SMARCA2: variants seen among roughly 807,000 people sequenced by gnomAD.
The protein encoded by SMARCA2 is SWI/SNF-related matrix-associated actin-dependent regulator of chromatin subfamily A member 2.
A neutral mutation model predicts 199.8 loss-of-function variants in SMARCA2; 61 were observed. That is an observed-to-expected ratio of 0.31 (90% CI 0.25 to 0.38). The LOEUF is 0.38. Ranked by LOEUF, SMARCA2 falls within the 10% of genes least tolerant of loss-of-function variation. The pLI is 1.00. For synonymous variants in SMARCA2, 935 were observed against 732.0 expected (o/e 1.28, Z -4.48); for missense variants, 1,344 against 2,012.2 (o/e 0.67, Z 6.35).
At chr9:2,100,459 T>C (rs1822461865) in intron 21 of SMARCA2, among the ~76,000 whole-genome samples, 1 of 152,070 alleles carries the variant, frequency 6.6e-6, no homozygotes, top group African/African-American at 2.4e-5. Flanking sequence ...CCTAGCACTT[T>C]GGGAGGAAAA....
chr9:2,160,145 G>T, intron 27 of SMARCA2: 1 of 536,866 alleles, frequency 1.9e-6, no homozygotes, highest in Non-Finnish European at 3.3e-6. Context: ...CTTAGCTGCA[G>T]TGTGTTTAGC....
intron 4 of SMARCA2, among the ~76,000 whole-genome samples, chr9:2,046,456 T>C (rs1372726740): frequency 1.3e-5 from 2 of 152,148 alleles, no homozygotes; most frequent in Admixed American, 6.5e-5. Context: ...CAGATTTTTT[T>C]TGGCTAACAA....
At chr9:2,149,975 A>AT (rs1315834429) in intron 27 of SMARCA2, among the ~76,000 whole-genome samples, 1 of 151,540 alleles carries the variant, frequency 6.6e-6, no homozygotes, top group Non-Finnish European at 1.5e-5. Context: ...AAATTTAACT[A>AT]GAACCAGACA....
At position 2,133,902 on chromosome 9, in the gene SMARCA2, A is replaced by G. The variant is rs74646474; in HGVS notation, c.3981+9965A>G. On this transcript the variant is annotated intron_variant, in intron 27 of 33. Transcript: ENST00000349721. Reference sequence around the variant, plus strand: ...ATGCCTTGAAATCTGATGAACCAAGAGGTTCAGATTCCGGTTCCATCTAAT... The same window carrying G: ...ATGCCTTGAAATCTGATGAACCAAGGGGTTCAGATTCCGGTTCCATCTAAT... Among the ~76,000 whole-genome samples, 54 of 152,260 alleles carry G rather than the reference A, an allele frequency of 3.5e-4. 2 individuals carry two copies. In the East Asian group the frequency reaches 0.01, roughly 29 times the overall value.
chr9:2,135,036 G>A (rs1287674319), intron 27 of SMARCA2, among the ~76,000 whole-genome samples: 2 of 152,196 alleles, frequency 1.3e-5, no homozygotes, highest in Non-Finnish European at 2.9e-5. Context: ...CTTGACTCGT[G>A]CAAGAAATCC....
chr9:2,024,857 A>G lies in SMARCA2; in HGVS notation c.-36-4130A>G, dbSNP rs541493645. On this transcript the variant is annotated intron_variant, in intron 1 of 33. Transcript: ENST00000349721. ...TCTGCCTTATTGCCCTCATCTTTTC[A>G]ATGGCGTTGTGGCAAAATGTCTCTT... Among the ~76,000 whole-genome samples, 6 of 152,278 alleles carry G rather than the reference A, an allele frequency of 3.9e-5. 1 individual carries two copies. The South Asian group carries it at 1.2e-3, about 32-fold the overall frequency.
At chr9:2,171,600 G>A (rs964217619) in intron 29 of SMARCA2, among the ~76,000 whole-genome samples, 2 of 152,188 alleles carry the variant, frequency 1.3e-5, no homozygotes, top group African/African-American at 4.8e-5. Flanking sequence ...ATTGAGAAAC[G>A]TCAGGAATTT....
intron 16 of SMARCA2, 48 bp from the exon 17 acceptor site, chr9:2,084,038 A>C: frequency 1.0e-6 from 1 of 985,740 alleles, no homozygotes; most frequent in Non-Finnish European, 1.6e-6. Flanking sequence ...GAAATAATGC[A>C]CATATATGTC....
intron 9 of SMARCA2, among the ~76,000 whole-genome samples, chr9:2,063,454 A>G (rs887617198): frequency 6.6e-6 from 1 of 152,160 alleles, no homozygotes; most frequent in Non-Finnish European, 1.5e-5. Context: ...GAGCATAAAA[A>G]TCTCTGCTAT....
chr9:2,089,946 G>A (rs1485413422), intron 19 of SMARCA2, among the ~76,000 whole-genome samples: 1 of 151,958 alleles, frequency 6.6e-6, no homozygotes, highest in Non-Finnish European at 1.5e-5. Flanking sequence ...ATTAACTGAA[G>A]CCCTTCATTT....
intron 29 of SMARCA2, among the ~76,000 whole-genome samples, chr9:2,178,930 A>C (rs975436847): frequency 1.3e-5 from 2 of 152,162 alleles, no homozygotes; most frequent in African/African-American, 4.8e-5. Flanking sequence ...CCCTGTAGGG[A>C]GGAGAGAAAC....
Position 2,119,479 on chromosome 9 carries a change from G to A in SMARCA2, c.3706G>A (p.Asp1236Asn), listed in dbSNP as rs771961397. The change falls in exon 26 of 34, where the codon GAT (aspartate) becomes AAT (asparagine). Residue 1236 changes from aspartate (D) to asparagine (N), a missense_variant. By Grantham distance (23) the Asp-to-Asn change is conservative. This residue lies in a region of SMARCA2 where 36 missense variants were observed against 172.5 expected (regional missense o/e 0.21). Transcript: ENST00000349721. This position sits in a 1 kb window ranked among gnomAD's most constrained non-coding sequence, Gnocchi z 4.6. ...CCAGGAAGAAGATGAAGTACCGGAC[G>A]ATGAGACTCTGAACCAAATGATTGC... ...ENEEEDEVPDDETLNQMIARR... is the reference protein window; with the variant it reads ...ENEEEDEVPDNETLNQMIARR... 1.9e-6 allele frequency: 3 copies of A among 1,613,266 alleles called. No individual in the cohort carries two copies. The highest frequency in any genetic ancestry group is 1.7e-6 in the Non-Finnish European group (2 of 1,179,246).
intron 7 of SMARCA2, 65 bp from the exon 8 acceptor site, chr9:2,058,226 A>G (rs1820440383): frequency 2.8e-6 from 4 of 1,410,462 alleles, no homozygotes; most frequent in Non-Finnish European, 4.0e-6. Flanking sequence ...GACAACACTG[A>G]TAGCTCAGAG....
intron 32 of SMARCA2, among the ~76,000 whole-genome samples, chr9:2,190,799 T>TA (rs997749059): frequency 3.3e-5 from 5 of 152,222 alleles, no homozygotes; most frequent in African/African-American, 1.2e-4. Context: ...ACCTTTATGT[T>TA]AAAAATATGA....
intron 28 of SMARCA2, among the ~76,000 whole-genome samples, chr9:2,165,875 G>C (rs975116315): frequency 4.6e-5 from 7 of 152,170 alleles, no homozygotes; most frequent in African/African-American, 1.4e-4. Context: ...GGGATGTTTA[G>C]CTCTGCCTGG....
chr9:2,175,191 T>G (rs1207272447), intron 29 of SMARCA2, among the ~76,000 whole-genome samples: 1 of 152,268 alleles, frequency 6.6e-6, no homozygotes, highest in East Asian at 1.9e-4. Context: ...CCCACTGTTA[T>G]GAAACGTCAA....
chr9:2,160,822 T>C, intron 27 of SMARCA2: 1 of 421,228 alleles, frequency 2.4e-6, no homozygotes, highest in Non-Finnish European at 4.2e-6. Context: ...CTTTTTTTTT[T>C]TCTTCCTTGG....
intron 23 of SMARCA2, among the ~76,000 whole-genome samples, chr9:2,106,628 A>G (rs1822766565): frequency 6.6e-6 from 1 of 152,194 alleles, no homozygotes; most frequent in Admixed American, 6.5e-5. Context: ...AATTATTAAA[A>G]TGACTTCAGA....
chr9:2,083,759 C>A (rs1324877838), intron 16 of SMARCA2, among the ~76,000 whole-genome samples: 1 of 152,236 alleles, frequency 6.6e-6, no homozygotes, highest in Non-Finnish European at 1.5e-5. Flanking sequence ...ACCCGGATGC[C>A]CGGGGCTGCC....
Sources: gnomAD v4.1 joint callset for allele counts (sites outside exome capture counted in the v4.1 genomes callset) on GRCh38, gnomAD v4.1.1 for gene constraint, gnomAD v4.1.1 regional missense constraint, Gnocchi (gnomAD v3.1) non-coding constraint, MANE v1.5 for transcripts, NCBI Gene and HGNC (gene_info 2026-07-23, HGNC 2026-07-21) for gene names.